Variants in ATRNL1 observed in about 807,000 individuals in gnomAD.
The protein encoded by ATRNL1 is attractin-like protein 1.
A neutral mutation model predicts 182.7 loss-of-function variants in ATRNL1; 95 were observed. That is an observed-to-expected ratio of 0.52 (90% CI 0.44 to 0.62). The LOEUF is 0.62. Ranked by LOEUF, ATRNL1 falls within the 20% of genes least tolerant of loss-of-function variation. ATRNL1 has a pLI of 0.00. For synonymous variants in ATRNL1, 576 were observed against 568.3 expected, an observed-to-expected ratio of 1.01 and a Z score of -0.19; for missense variants, 1,471 against 1,679.5, an observed-to-expected ratio of 0.88 and a Z score of 2.17.
intron 26 of ATRNL1, among the ~76,000 whole-genome samples, chr10:115,633,828 C>A (rs1365723601): frequency 6.6e-6 from 1 of 151,970 alleles, no homozygotes; most frequent in African/African-American, 2.4e-5. Flanking sequence ...TATTTGACAC[C>A]AGTGATTTCT....
intron 26 of ATRNL1, among the ~76,000 whole-genome samples, chr10:115,710,483 A>T (rs1352589699): frequency 1.3e-5 from 2 of 152,118 alleles, no homozygotes; most frequent in Admixed American, 6.6e-5. Flanking sequence ...CTGAATCAAG[A>T]TAGAGTAATT....
At chr10:115,180,913 A>G (rs1439101127) in intron 8 of ATRNL1, among the ~76,000 whole-genome samples, 1 of 151,906 alleles carries the variant, frequency 6.6e-6, no homozygotes, top group Non-Finnish European at 1.5e-5. Context: ...ATCCTACTAA[A>G]TTCTGTTGAC....
chr10:115,566,708 A>G lies in ATRNL1; in HGVS notation c.3795+17172A>G, dbSNP rs138925656. Among the ~76,000 whole-genome samples the G allele has an allele frequency of 5.2e-3, 785 of 152,226 alleles. 7 individuals are homozygous for G. Among genetic ancestry groups the G allele is most frequent in the Non-Finnish European group, 9.3e-3 (631 of 68,012 alleles). ...AACAAGGAAAACTGCCCAGGTACTT[A>G]GATTATTGGATTTTTTTACATATAC... On this transcript the variant is annotated intron_variant, in intron 26 of 28. Transcript: ENST00000355044.
chr10:115,594,133 A>T (rs1856085299), intron 26 of ATRNL1, among the ~76,000 whole-genome samples: 1 of 152,110 alleles, frequency 6.6e-6, no homozygotes, highest in Non-Finnish European at 1.5e-5. Context: ...AGTGATTTAG[A>T]ATTCTTCTTG....
intron 18 of ATRNL1, among the ~76,000 whole-genome samples, chr10:115,322,499 T>C (rs547021860): frequency 6.6e-6 from 1 of 152,128 alleles, no homozygotes; most frequent in East Asian, 1.9e-4. Context: ...TATACATATA[T>C]TTAAAAATAA....
intron 8 of ATRNL1, among the ~76,000 whole-genome samples, chr10:115,179,612 A>C (rs1242901750): frequency 6.6e-6 from 1 of 152,100 alleles, no homozygotes; most frequent in African/African-American, 2.4e-5. Flanking sequence ...TATAGTAGCT[A>C]CTATTGGCTT....
At chr10:115,256,690 T>A (rs1268851015) in intron 10 of ATRNL1, among the ~76,000 whole-genome samples, 1 of 152,196 alleles carries the variant, frequency 6.6e-6, no homozygotes, top group African/African-American at 2.4e-5. Flanking sequence ...TTTTTGAATG[T>A]GTTTGCTCTT....
intron 8 of ATRNL1, among the ~76,000 whole-genome samples, chr10:115,188,116 A>G (rs1165145481): frequency 1.3e-5 from 2 of 151,882 alleles, no homozygotes; most frequent in East Asian, 3.9e-4. Flanking sequence ...AGAGAGAGGG[A>G]GAAAGAATTA....
intron 19 of ATRNL1, among the ~76,000 whole-genome samples, chr10:115,381,747 GCTCCTAGTA>G (rs1198153216): frequency 6.6e-6 from 1 of 151,696 alleles, no homozygotes; most frequent in African/African-American, 2.4e-5. Flanking sequence ...TTTTTTGTGT[GCTCCTAGTA>G]CTAAAACAAT....
Position 115,519,150 on chromosome 10 carries a change from A to G in ATRNL1, c.3655-113A>G, listed in dbSNP as rs1324358052. 8 of 862,492 alleles carry G rather than the reference A, an allele frequency of 9.3e-6. No homozygotes were observed. The East Asian group carries it at 1.9e-4, about 20-fold the overall frequency. The allele number at this position is 862,492 out of a possible 1,614,324, so 53.4% of individuals were successfully genotyped here. On this transcript the variant is annotated intron_variant, in intron 24 of 28. Coordinates refer to ENST00000355044, the MANE Select transcript of ATRNL1 (RefSeq NM_207303.4). Reference sequence around the variant, plus strand: ...CATCACATATTTGATTTATAATATCATGATCCAAATGTCTTGGTGATTTAG... The same window carrying G: ...CATCACATATTTGATTTATAATATCGTGATCCAAATGTCTTGGTGATTTAG...
chr10:115,173,326 A>G (rs1046954263), intron 8 of ATRNL1, among the ~76,000 whole-genome samples: 1 of 151,912 alleles, frequency 6.6e-6, no homozygotes, highest in Non-Finnish European at 1.5e-5. Flanking sequence ...TGGTTTTATT[A>G]TAGTGCTCAG....
intron 5 of ATRNL1, among the ~76,000 whole-genome samples, chr10:115,136,656 G>A (rs1564764927): frequency 6.6e-6 from 1 of 152,014 alleles, no homozygotes; most frequent in East Asian, 1.9e-4. Flanking sequence ...CCACAATTTT[G>A]CCTTTTCCCA....
chr10:115,539,006 C>T (rs1233964746), intron 25 of ATRNL1, among the ~76,000 whole-genome samples: 1 of 152,134 alleles, frequency 6.6e-6, no homozygotes, highest in Non-Finnish European at 1.5e-5. Flanking sequence ...TAGGCTATAC[C>T]AATGGCTTTC....
chr10:115,388,561 G>A (rs1217402799), intron 19 of ATRNL1, among the ~76,000 whole-genome samples: 3 of 151,890 alleles, frequency 2.0e-5, no homozygotes, highest in Non-Finnish European at 4.4e-5. Flanking sequence ...GCATGTAGTT[G>A]GTTGTGCTTT....
At chr10:115,189,103 T>C (rs782653293) in intron 8 of ATRNL1, among the ~76,000 whole-genome samples, 4 of 152,168 alleles carry the variant, frequency 2.6e-5, no homozygotes, top group Non-Finnish European at 2.9e-5. Flanking sequence ...ATTCTGGAAC[T>C]GAAAAATTCC....
At chr10:115,289,568 A>G (rs1554920200) in intron 15 of ATRNL1, among the ~76,000 whole-genome samples, 1 of 151,918 alleles carries the variant, frequency 6.6e-6, no homozygotes, top group Non-Finnish European at 1.5e-5. Context: ...GTATAGGGTA[A>G]GAGGTGGGGG....
At chr10:115,905,673 C>T (rs1589673014) in intron 28 of ATRNL1, among the ~76,000 whole-genome samples, 2 of 152,210 alleles carry the variant, frequency 1.3e-5, no homozygotes, top group East Asian at 1.9e-4. Flanking sequence ...AAAAGTCATC[C>T]GTGTAAATGG....
At chr10:115,241,862 A>G (rs1850436660) in intron 10 of ATRNL1, 137 bp downstream of exon 10, 1 of 730,354 alleles carries the variant, frequency 1.4e-6, no homozygotes, top group Admixed American at 2.8e-5. Flanking sequence ...AATTCTTTCT[A>G]ATTTCAGCAC....
chr10:115,124,873 G>A (rs1483544729), intron 3 of ATRNL1, among the ~76,000 whole-genome samples: 1 of 152,096 alleles, frequency 6.6e-6, no homozygotes, highest in Non-Finnish European at 1.5e-5. Flanking sequence ...ATGCATTAGT[G>A]GGGGTATGTA....
Sources: gnomAD v4.1 joint callset for allele counts (sites outside exome capture counted in the v4.1 genomes callset) on GRCh38, gnomAD v4.1.1 for gene constraint, MANE v1.5 for transcripts, NCBI Gene and HGNC (gene_info 2026-07-23, HGNC 2026-07-21) for gene names.